CYREN: variants seen among roughly 807,000 people sequenced by gnomAD.
CYREN encodes cell cycle regulator of non-homologous end joining.
A neutral mutation model predicts 9.7 loss-of-function variants in CYREN; 7 were observed. That is an observed-to-expected ratio of 0.72 (90% CI 0.41 to 1.36). The LOEUF is 1.36. CYREN is among the 40% of genes most tolerant of loss of function. The probability of loss-of-function intolerance (pLI) is 0.01; values close to 1 mark genes in which losing one functional copy is unlikely to be tolerated. For missense variants in CYREN, 215 were observed against 198.1 expected (o/e 1.09, Z -0.51); for synonymous variants, 76 against 77.9 (o/e 0.98, Z 0.13).
upstream of CYREN, among the ~76,000 whole-genome samples, chr7:135,171,099 C>G (rs1216377438): frequency 1.3e-5 from 2 of 152,212 alleles, no homozygotes; most frequent in Non-Finnish European, 2.9e-5. Flanking sequence ...GATGGGAGCC[C>G]GGCCTCGGTT....
chr7:135,133,098 CAA>C (rs751752309), intron 2 of CYREN, among the ~76,000 whole-genome samples: 2 of 141,358 alleles, frequency 1.4e-5, no homozygotes, highest in African/African-American at 5.2e-5. Context: ...CACACACACA[CAA>C]CCTTTAGAAT....
intron 2 of CYREN, among the ~76,000 whole-genome samples, chr7:135,094,911 C>G (rs1304004314): frequency 6.6e-6 from 1 of 152,156 alleles, no homozygotes; most frequent in Non-Finnish European, 1.5e-5. Context: ...AAATTATATA[C>G]AGAATCCCTT....
intron 2 of CYREN, among the ~76,000 whole-genome samples, chr7:135,118,328 G>C (rs1316467469): frequency 6.6e-6 from 1 of 152,104 alleles, no homozygotes; most frequent in Non-Finnish European, 1.5e-5. Context: ...TGAAAGTAAT[G>C]ACTAAAAATC....
chr7:135,160,651 C>T (rs1829907743), intron 2 of CYREN, among the ~76,000 whole-genome samples: 1 of 152,068 alleles, frequency 6.6e-6, no homozygotes, highest in Non-Finnish European at 1.5e-5. Context: ...CTCCCTCAGG[C>T]AGCTCTGCTG....
intron 2 of CYREN, chr7:135,134,897 C>A (rs1829267632): frequency 6.4e-7 from 1 of 1,551,040 alleles, no homozygotes; most frequent in Non-Finnish European, 8.7e-7. Context: ...TGGACAGCAC[C>A]CAGAAATCAC....
At chr7:135,109,891 C>G (rs1825363889) in intron 2 of CYREN, among the ~76,000 whole-genome samples, 1 of 152,186 alleles carries the variant, frequency 6.6e-6, no homozygotes, top group African/African-American at 2.4e-5. Context: ...CTCGTGGAAG[C>G]TCTATACCAG....
At chr7:135,104,124 G>A (rs998201855) in intron 2 of CYREN, among the ~76,000 whole-genome samples, 56 of 151,836 alleles carry the variant, frequency 3.7e-4, no homozygotes, top group Non-Finnish European at 7.1e-4. Flanking sequence ...GTGTCCCTAT[G>A]TTCTCATAAT....
intron 2 of CYREN, among the ~76,000 whole-genome samples, chr7:135,119,693 C>T (rs1047719708): frequency 1.6e-4 from 25 of 152,022 alleles, no homozygotes; most frequent in Non-Finnish European, 3.2e-4. Context: ...CTGGCTAACA[C>T]GGTGAAACCC....
chr7:135,171,532 GCC>G (rs1182379429), upstream of CYREN, among the ~76,000 whole-genome samples: 6 of 114,748 alleles, frequency 5.2e-5, no homozygotes, highest in Admixed American at 3.6e-4. Context: ...GGTGCATGCA[GCC>G]CCTGTCACGT....
chr7:135,112,165 T>G (rs1327481004), intron 2 of CYREN, among the ~76,000 whole-genome samples: 1 of 152,236 alleles, frequency 6.6e-6, no homozygotes, highest in Non-Finnish European at 1.5e-5. Context: ...TACCGCTAAT[T>G]CAGACCCTCA....
chr7:135,120,578 G>T (rs761426399), intron 2 of CYREN, among the ~76,000 whole-genome samples: 48 of 152,292 alleles, frequency 3.2e-4, no homozygotes, highest in Admixed American at 6.5e-4. Context: ...TTAAATGGCA[G>T]ATTTAAGTCC....
chr7:135,102,759 CA>C lies in CYREN; in HGVS notation n.357-8178del, dbSNP rs371654709. Among the ~76,000 whole-genome samples the C allele has an allele frequency of 2.0e-3, 300 of 148,404 alleles. 1 individual carries two copies. Among genetic ancestry groups the C allele is most frequent in the African/African-American group, 6.8e-3 (277 of 40,468 alleles). On this transcript the variant is annotated intron_variant and non_coding_transcript_variant, in intron 2 of 2. Transcript: ENST00000459937. ...CCCTAACCCTTGTCTTACACCATAG[CA>C]AAAAAAAATTAACTCAAAATGGATC...
intron 2 of CYREN, among the ~76,000 whole-genome samples, chr7:135,116,649 C>T (rs1229005932): frequency 6.6e-6 from 1 of 152,122 alleles, no homozygotes; most frequent in Non-Finnish European, 1.5e-5. Context: ...AAAGTTCTGG[C>T]TTCTATTTGT....
chr7:135,170,561 A>T (rs1830593696), intron 1 of CYREN, 91 bp downstream of exon 1: 1 of 152,360 alleles, frequency 6.6e-6, no homozygotes, highest in East Asian at 1.9e-4. Context: ...CCCTGCTCTC[A>T]GGTTCCCGTC....
In CYREN at chr7:135,166,606, A is replaced by G. The variant is rs527526950; in HGVS notation, c.*5T>C. On this transcript the variant is annotated 3_prime_UTR_variant, in exon 4 of 4. Coordinates refer to ENST00000393114, the MANE Select transcript of CYREN (RefSeq NM_024033.4). ...CGGCAGACAGTTCAGTGCACAGTTT[A>G]TGCCCTAGCTGAAAAAGATCTCCCG... is the stretch of plus-strand genomic sequence containing the variant. The G allele has an allele frequency of 6.3e-7, 1 of 1,585,672 alleles. No homozygotes were observed. The highest frequency in any genetic ancestry group is 1.3e-5 in the African/African-American group (1 of 74,922).
intron 2 of CYREN, among the ~76,000 whole-genome samples, chr7:135,133,500 G>A (rs1408999856): frequency 6.6e-6 from 1 of 152,144 alleles, no homozygotes; most frequent in Non-Finnish European, 1.5e-5. Context: ...AAATGGGAGA[G>A]ATCAGTCTAT....
chr7:135,127,511 C>T (rs1828054836), intron 2 of CYREN, among the ~76,000 whole-genome samples: 2 of 151,214 alleles, frequency 1.3e-5, no homozygotes, highest in African/African-American at 2.4e-5. Context: ...CAAGATTGCA[C>T]CACTGCACTC....
At chr7:135,139,389 G>A (rs2117391892) in intron 2 of CYREN, among the ~76,000 whole-genome samples, 1 of 151,736 alleles carries the variant, frequency 6.6e-6, no homozygotes, top group Non-Finnish European at 1.5e-5. Flanking sequence ...GTCTTCTCTT[G>A]AGAAGTGTCT....
intron 2 of CYREN, among the ~76,000 whole-genome samples, chr7:135,105,096 G>A (rs7808312): frequency 0.24 from 33,655 of 142,806 alleles, 4,986 homozygotes; most frequent in South Asian, 0.42. Context: ...TTGAGATGGA[G>A]TCTTGCTCTT....
Sources: gnomAD v4.1 joint callset for allele counts (sites outside exome capture counted in the v4.1 genomes callset) on GRCh38, gnomAD v4.1.1 for gene constraint, MANE v1.5 for transcripts, NCBI Gene and HGNC (gene_info 2026-07-23, HGNC 2026-07-21) for gene names.